Variants in ADAMTSL1 observed in about 807,000 individuals in gnomAD.
The protein encoded by ADAMTSL1 is ADAMTS-like protein 1.
Under a neutral mutation model 201.8 loss-of-function variants are expected in ADAMTSL1, and 126 were observed. The observed-to-expected ratio is 0.62, with a 90% confidence interval of 0.54 to 0.72. ADAMTSL1 has a LOEUF of 0.72. Among genes scored for constraint, ADAMTSL1 ranks in the 30% least tolerant of loss-of-function variants. The pLI is 0.00. For missense variants in ADAMTSL1, 2,679 were observed against 2,277.8 expected (o/e 1.18, Z -3.59); for synonymous variants, 1,121 against 903.4 (o/e 1.24, Z -4.32).
chr9:18,249,519 C>G (rs1427592197), intron 2 of ADAMTSL1, among the ~76,000 whole-genome samples: 1 of 152,156 alleles, frequency 6.6e-6, no homozygotes, highest in Non-Finnish European at 1.5e-5. Flanking sequence ...ACAAATCTTA[C>G]TATTTACCAT....
At chr9:18,636,183 C>T (rs938451783) in intron 6 of ADAMTSL1, among the ~76,000 whole-genome samples, 166 bp downstream of exon 6, 3 of 152,134 alleles carry the variant, frequency 2.0e-5, no homozygotes, top group African/African-American at 7.2e-5. Context: ...GATGAGATGG[C>T]AGAAACCCCT....
At chr9:18,295,400 G>A (rs761767782) in intron 2 of ADAMTSL1, among the ~76,000 whole-genome samples, 10 of 151,384 alleles carry the variant, frequency 6.6e-5, no homozygotes, top group Non-Finnish European at 1.5e-4. Context: ...GTGCAGTGGC[G>A]CGATCTTGGC....
At chr9:18,020,424 C>G (rs985039272) in intron 1 of ADAMTSL1, among the ~76,000 whole-genome samples, 10 of 152,180 alleles carry the variant, frequency 6.6e-5, no homozygotes, top group African/African-American at 2.2e-4. Flanking sequence ...GGAAAGCCAG[C>G]TACGGTGGGG....
chr9:18,144,771 G>C (rs1484800772), intron 1 of ADAMTSL1, among the ~76,000 whole-genome samples: 2 of 152,228 alleles, frequency 1.3e-5, no homozygotes, highest in East Asian at 3.9e-4. Flanking sequence ...AAGTCACCCA[G>C]CTCAGAGGGG....
intron 14 of ADAMTSL1, among the ~76,000 whole-genome samples, chr9:18,720,984 C>T (rs1387087171): frequency 6.6e-6 from 1 of 152,038 alleles, no homozygotes; most frequent in East Asian, 1.9e-4. Context: ...TTCCAACTTC[C>T]AAGGCTGCCC....
chr9:18,344,557 C>A (rs1282239978), intron 2 of ADAMTSL1, among the ~76,000 whole-genome samples: 1 of 152,102 alleles, frequency 6.6e-6, no homozygotes, highest in Non-Finnish European at 1.5e-5. Context: ...CACAAATAGG[C>A]TCTTGTTGAT....
chr9:18,309,633 T>A (rs1467094664), intron 2 of ADAMTSL1, among the ~76,000 whole-genome samples: 1 of 151,984 alleles, frequency 6.6e-6, no homozygotes, highest in Non-Finnish European at 1.5e-5. Flanking sequence ...TTATAAGGGA[T>A]GTGAAGGACC....
intron 4 of ADAMTSL1, among the ~76,000 whole-genome samples, chr9:18,586,398 C>A (rs1158139840): frequency 6.6e-6 from 1 of 151,900 alleles, no homozygotes; most frequent in African/African-American, 2.4e-5. Flanking sequence ...GAGGTGAGAA[C>A]TTTCTACAAT....
intron 2 of ADAMTSL1, among the ~76,000 whole-genome samples, chr9:18,453,525 A>G (rs1053753309): frequency 2.6e-5 from 4 of 152,246 alleles, no homozygotes; most frequent in South Asian, 2.1e-4. Flanking sequence ...ATTTTTCAAA[A>G]TCTTTTTAGT....
chr9:18,490,554 C>A (rs977084148), intron 1 of ADAMTSL1, among the ~76,000 whole-genome samples: 1 of 151,934 alleles, frequency 6.6e-6, no homozygotes, highest in Non-Finnish European at 1.5e-5. Context: ...TTGGAAGAGA[C>A]GTAGATTTGT....
rs1295416070 is a variant in ADAMTSL1, at chr9:18,887,949, T to A, written c.4368T>A (p.Val1456=). The A allele has an allele frequency of 1.9e-6, 3 of 1,613,992 alleles. No individual in the cohort carries two copies. The highest frequency in any genetic ancestry group is 1.7e-6 in the Non-Finnish European group (2 of 1,179,880). ...TGGCAGCTGGACAGATCCTTCAAGT[T>A]GCAAACCTTAGCGGTGGGTCTCAAG... ...HILAAGQILQ[V]ANLSGGSQGE... Residue 1456 remains valine (V), a synonymous_variant, in exon 24 of 29, where the codon GTT becomes GTA. Coordinates refer to ENST00000380548, the MANE Select transcript of ADAMTSL1 (RefSeq NM_001040272.6).
At chr9:18,477,550 G>T (rs941818688) in intron 1 of ADAMTSL1, among the ~76,000 whole-genome samples, 2 of 152,092 alleles carry the variant, frequency 1.3e-5, no homozygotes, top group Non-Finnish European at 2.9e-5. Flanking sequence ...AGGAGACCGC[G>T]GCCTGTTCCA....
intron 15 of ADAMTSL1, among the ~76,000 whole-genome samples, chr9:18,729,563 C>A (rs908911298): frequency 4.6e-5 from 7 of 152,200 alleles, no homozygotes; most frequent in Non-Finnish European, 2.9e-5. Context: ...TACAAATATC[C>A]TGCATCCGTC....
At chr9:18,248,884 C>T (rs940899598) in intron 2 of ADAMTSL1, among the ~76,000 whole-genome samples, 1 of 152,136 alleles carries the variant, frequency 6.6e-6, no homozygotes, top group African/African-American at 2.4e-5. Flanking sequence ...GAATAAATCT[C>T]AGCTTTTGAG....
At chr9:18,748,981 G>T (rs1442360104) in intron 15 of ADAMTSL1, among the ~76,000 whole-genome samples, 2 of 152,096 alleles carry the variant, frequency 1.3e-5, no homozygotes, top group African/African-American at 4.8e-5. Flanking sequence ...GCATTCCTTG[G>T]CTTGTAGATG....
intron 2 of ADAMTSL1, among the ~76,000 whole-genome samples, chr9:18,423,406 C>T (rs1211178109): frequency 3.9e-5 from 6 of 152,156 alleles, no homozygotes; most frequent in African/African-American, 9.7e-5. Context: ...ACTGATTCCC[C>T]GTTAGATTCA....
intron 2 of ADAMTSL1, among the ~76,000 whole-genome samples, chr9:18,331,814 C>A (rs1835039482): frequency 6.6e-6 from 1 of 152,106 alleles, no homozygotes; most frequent in Admixed American, 6.6e-5. Flanking sequence ...CTTCCTTAAT[C>A]CAGCAATGGA....
chr9:17,952,397 A>C (rs760964111), intron 1 of ADAMTSL1, among the ~76,000 whole-genome samples: 1 of 151,954 alleles, frequency 6.6e-6, no homozygotes, highest in African/African-American at 2.4e-5. Flanking sequence ...TTTTGTTTAC[A>C]TCTAGTTGAT....
chr9:18,789,597 GATA>G (rs1243354144), intron 19 of ADAMTSL1, among the ~76,000 whole-genome samples: 1 of 152,200 alleles, frequency 6.6e-6, no homozygotes, highest in East Asian at 1.9e-4. Context: ...CTATGAATGA[GATA>G]ATAATTTATA....
Sources: allele counts gnomAD v4.1 joint callset (sites outside exome capture counted in the v4.1 genomes callset), GRCh38; gene constraint gnomAD v4.1.1; transcripts MANE v1.5; gene names NCBI Gene and HGNC (gene_info 2026-07-23, HGNC 2026-07-21).